Variants in PTPRG observed in about 807,000 individuals in gnomAD.
The protein encoded by PTPRG is protein tyrosine phosphatase receptor type G.
A neutral mutation model predicts 165.3 loss-of-function variants in PTPRG; 102 were observed. The ratio of observed to expected loss-of-function variants is 0.62; its 90% CI spans 0.53 to 0.73. PTPRG has a LOEUF of 0.73. Ranked by LOEUF, PTPRG falls within the 30% of genes least tolerant of loss-of-function variation. The pLI is 0.00. For missense variants in PTPRG, 1,866 were observed against 1,861.4 expected (o/e 1.00, Z -0.05); for synonymous variants, 675 against 669.5 (o/e 1.01, Z -0.13).
At position 61,693,760 on chromosome 3, in the gene PTPRG, T is replaced by C. The variant is rs72878421; in HGVS notation, c.86-55118T>C. 1.8e-3 allele frequency among the ~76,000 whole-genome samples: 279 copies of C among 152,058 alleles called. 2 individuals carry two copies. The highest frequency in any genetic ancestry group is 6.5e-3 in the African/African-American group (269 of 41,478). On this transcript the variant is annotated intron_variant, in intron 1 of 29. Transcript: ENST00000474889. ...GCGGCTCACGCCTATAATTGCAGCA[T>C]GTTTGGAGGCTGAGGTGGGCAGATT...
chr3:62,188,432 A>G (rs1308561913), intron 8 of PTPRG, among the ~76,000 whole-genome samples: 1 of 152,096 alleles, frequency 6.6e-6, no homozygotes, highest in Non-Finnish European at 1.5e-5. Flanking sequence ...ATTTCTATCA[A>G]TTGTGCGTAT....
At chr3:61,785,610 C>T (rs1459636615) in intron 2 of PTPRG, among the ~76,000 whole-genome samples, 1 of 152,098 alleles carries the variant, frequency 6.6e-6, no homozygotes, top group African/African-American at 2.4e-5. Flanking sequence ...TGATAGTGCC[C>T]ACTTGATAAA....
At chr3:61,894,229 A>AAGGTGG (rs1396720908) in intron 2 of PTPRG, among the ~76,000 whole-genome samples, 1 of 138,112 alleles carries the variant, frequency 7.2e-6, no homozygotes, top group South Asian at 2.5e-4. Flanking sequence ...TTGAACCTGG[A>AAGGTGG]AGGTGGAGGC....
chr3:62,204,512 C>T (rs559419316), intron 12 of PTPRG, among the ~76,000 whole-genome samples: 1 of 152,150 alleles, frequency 6.6e-6, no homozygotes, highest in East Asian at 1.9e-4. Context: ...AACTGGCAAG[C>T]TGGAAAACTA....
At chr3:62,189,561 C>T (rs539322994) in intron 8 of PTPRG, among the ~76,000 whole-genome samples, 3 of 152,206 alleles carry the variant, frequency 2.0e-5, no homozygotes, top group Non-Finnish European at 2.9e-5. Context: ...AGGTCCTCCT[C>T]ACCCTCCCCT....
In PTPRG at chr3:62,203,048, A is replaced by C. The variant is rs1700132189; in HGVS notation, c.1378-125A>C. The C allele has an allele frequency of 1.4e-6, 2 of 1,455,888 alleles. No homozygotes were observed. The highest frequency in any genetic ancestry group is 5.3e-5 in the Admixed American group (2 of 37,526). 90.2% of individuals were successfully genotyped at this position (1,455,888 alleles called of 1,614,324 possible). A position where few individuals can be genotyped will look rare whatever the true frequency, so the allele number is the denominator to read the frequency against. On this transcript the variant is annotated intron_variant, in intron 11 of 29. Transcript: ENST00000474889. The surrounding 1 kb of genome is among the most constrained non-coding windows in gnomAD (Gnocchi z 6.4). ...TATGCCATACATTGGAAAACTCCATAGCATAGATGAGTAAAATCCTCAGAG... is the reference window on the plus strand; with the variant it reads ...TATGCCATACATTGGAAAACTCCATCGCATAGATGAGTAAAATCCTCAGAG...
chr3:62,074,151 C>A (rs2106738229), intron 4 of PTPRG, among the ~76,000 whole-genome samples: 1 of 150,338 alleles, frequency 6.7e-6, no homozygotes, highest in Admixed American at 6.7e-5. Context: ...CTCCCATTTG[C>A]TCCCAGATGA....
chr3:61,675,308 A>G (rs1237430906), intron 1 of PTPRG, among the ~76,000 whole-genome samples: 5 of 152,210 alleles, frequency 3.3e-5, no homozygotes, highest in Non-Finnish European at 7.3e-5. Context: ...TTAGGAAAAT[A>G]TAGAAAAATA....
chr3:61,896,537 C>A (rs1159052220), intron 2 of PTPRG, among the ~76,000 whole-genome samples: 1 of 152,116 alleles, frequency 6.6e-6, no homozygotes, highest in African/African-American at 2.4e-5. Flanking sequence ...TTTCTATGAA[C>A]CTACATTTTC....
intron 4 of PTPRG, among the ~76,000 whole-genome samples, chr3:62,047,545 A>G (rs942322304): frequency 5.9e-5 from 9 of 152,176 alleles, no homozygotes; most frequent in Non-Finnish European, 1.3e-4. Context: ...TACAGGCGTG[A>G]GCCACCATGC....
At chr3:61,966,267 A>C (rs2040270662) in intron 2 of PTPRG, among the ~76,000 whole-genome samples, 2 of 152,192 alleles carry the variant, frequency 1.3e-5, no homozygotes, top group Non-Finnish European at 2.9e-5. Context: ...TTATAAGTTA[A>C]TTACTTGTGT....
chr3:61,701,284 C>G (rs1300346742), intron 1 of PTPRG, among the ~76,000 whole-genome samples: 1 of 152,152 alleles, frequency 6.6e-6, no homozygotes, highest in Non-Finnish European at 1.5e-5. Flanking sequence ...ATACTTCTCA[C>G]ATTTGCACCC....
At chr3:61,857,570 T>C (rs370828086) in intron 2 of PTPRG, among the ~76,000 whole-genome samples, 10 of 152,184 alleles carry the variant, frequency 6.6e-5, no homozygotes, top group African/African-American at 2.4e-4. Context: ...AATTATTTTA[T>C]TTCAAGGGTT....
intron 2 of PTPRG, among the ~76,000 whole-genome samples, chr3:61,848,081 G>C (rs1052492432): frequency 6.6e-6 from 1 of 152,232 alleles, no homozygotes; most frequent in South Asian, 2.1e-4. Flanking sequence ...GGAACCTGGA[G>C]CCTTTCCTGG....
chr3:61,656,895 G>A (rs1484747218), intron 1 of PTPRG, among the ~76,000 whole-genome samples: 1 of 152,174 alleles, frequency 6.6e-6, no homozygotes, highest in Non-Finnish European at 1.5e-5. Context: ...ATAGAGTGGT[G>A]AACAAATCCC....
intron 2 of PTPRG, among the ~76,000 whole-genome samples, chr3:61,976,748 C>A (rs917747646): frequency 1.3e-5 from 2 of 151,918 alleles, no homozygotes; most frequent in African/African-American, 2.4e-5. Flanking sequence ...GATCTCGGCT[C>A]ACAGCAACCT....
intron 5 of PTPRG, among the ~76,000 whole-genome samples, chr3:62,090,807 C>A (rs747696523): frequency 4.6e-5 from 7 of 152,174 alleles, no homozygotes; most frequent in Non-Finnish European, 2.9e-5. Flanking sequence ...TCCCCAGATG[C>A]TAAGAGTCCC....
chr3:61,828,886 T>TC (rs1216346252), intron 2 of PTPRG, among the ~76,000 whole-genome samples: 1 of 152,214 alleles, frequency 6.6e-6, no homozygotes, highest in East Asian at 1.9e-4. Context: ...TTCCTTTTTT[T>TC]CCCTTGGTCA....
At chr3:61,937,404 G>C (rs1396888814) in intron 2 of PTPRG, among the ~76,000 whole-genome samples, 6 of 152,142 alleles carry the variant, frequency 3.9e-5, no homozygotes, top group African/African-American at 1.4e-4. Flanking sequence ...CCCAGACATG[G>C]AGTTACCATT....
Sources: gnomAD v4.1 joint callset for allele counts (sites outside exome capture counted in the v4.1 genomes callset) on GRCh38, gnomAD v4.1.1 for gene constraint, Gnocchi (gnomAD v3.1) non-coding constraint, MANE v1.5 for transcripts, NCBI Gene and HGNC (gene_info 2026-07-23, HGNC 2026-07-21) for gene names.